Variants in EQTN observed in about 807,000 individuals in gnomAD.
EQTN encodes the protein Acrosome formation associated factor.
In EQTN, 29 loss-of-function variants were observed where a neutral mutation model predicts 26.9. The observed-to-expected ratio is 1.08, with a 90% CI of 0.80 to 1.47. The LOEUF (loss-of-function observed/expected upper bound fraction) is 1.47. Among genes scored for constraint, EQTN ranks in the 40% most tolerant of loss-of-function variants. The pLI, the probability that EQTN is intolerant of heterozygous loss-of-function variation, is 0.00. For missense variants in EQTN, 391 were observed against 346.1 expected, an observed-to-expected ratio of 1.13 and a Z score of -1.03; for synonymous variants, 129 against 120.0, an observed-to-expected ratio of 1.07 and a Z score of -0.49.
chr9:27,294,351 C>G lies in EQTN; in HGVS notation c.254G>C (p.Arg85Thr), dbSNP rs765816267. 5 of 1,611,340 alleles carry G rather than the reference C, an allele frequency of 3.1e-6. No individual in the cohort carries two copies. The highest frequency in any genetic ancestry group is 3.3e-5 in the Admixed American group (2 of 59,974). The change falls in exon 3 of 8, where the codon AGA becomes ACA. Residue 85 changes from arginine (R) to threonine (T), a missense_variant. Arg to Thr is a moderately conservative substitution (Grantham distance 71). Transcript: ENST00000380032. ...AGCAAAATTCAGGTCAGTTGTGGCTCTCACAGATATTTCAGACTCAGTGCC... is the reference window on the plus strand; with the variant it reads ...AGCAAAATTCAGGTCAGTTGTGGCTGTCACAGATATTTCAGACTCAGTGCC... ...PNGTESEISV[R>T]ATTDLNFALK...
intron 3 of EQTN, among the ~76,000 whole-genome samples, chr9:27,292,720 T>C (rs1360191907): frequency 1.3e-5 from 2 of 152,094 alleles, no homozygotes; most frequent in Non-Finnish European, 2.9e-5. Context: ...ATGACTATAA[T>C]TTGTGAAAGA....
intron 1 of EQTN, 34 bp from the exon 2 acceptor site, chr9:27,296,772 A>G (rs1430837113): frequency 8.8e-6 from 14 of 1,587,220 alleles, no homozygotes; most frequent in Non-Finnish European, 1.2e-5. Flanking sequence ...TAGATCAGAA[A>G]TATGTTGATT....
chr9:27,287,112 G>A (rs1820139722), intron 6 of EQTN, among the ~76,000 whole-genome samples: 2 of 151,946 alleles, frequency 1.3e-5, no homozygotes, highest in African/African-American at 2.4e-5. Flanking sequence ...TTTAATGATG[G>A]CAACATGTTA....
Position 27,296,237 on chromosome 9 carries a change from A to G in EQTN, c.202+376T>C, listed in dbSNP as rs558949321. On this transcript the variant is annotated intron_variant, in intron 2 of 7. Transcript: ENST00000380032. Reference sequence around the variant, plus strand: ...AGGACTGCTTGAACCCTGGGAGGTCAAGGCTGGCTGCAGTGAGCCATGGTC... The same window carrying G: ...AGGACTGCTTGAACCCTGGGAGGTCGAGGCTGGCTGCAGTGAGCCATGGTC... 3.6e-4 allele frequency among the ~76,000 whole-genome samples: 54 copies of G among 152,070 alleles called. No homozygotes were observed. In the South Asian group the frequency reaches 0.011, roughly 30 times the overall value.
Position 27,297,037 on chromosome 9 carries a change from TAAAC to T in EQTN, c.15_18del (p.Ile7LeufsTer8). 3 of 1,607,412 alleles carry T rather than the reference TAAAC, an allele frequency of 1.9e-6. 1 individual carries two copies. In the South Asian group the frequency reaches 3.3e-5, roughly 18 times the overall value. ...AAGGAAAAAACTCCAGGTATAAAAA[TAAAC>T]AATATAAAATTCATTGGGAAATTGA... On this transcript the variant is annotated frameshift_variant, in exon 1 of 8. Coordinates refer to ENST00000380032, the MANE Select transcript of EQTN (RefSeq NM_020641.3). LOFTEE classifies it high-confidence loss of function.
intron 5 of EQTN, among the ~76,000 whole-genome samples, chr9:27,290,653 T>C (rs1356577987): frequency 1.3e-5 from 2 of 152,266 alleles, no homozygotes; most frequent in African/African-American, 4.8e-5. Flanking sequence ...GACACACTTT[T>C]ATGCATGCAT....
At chr9:27,294,252 A>G (rs1283053188) in intron 3 of EQTN, 64 bp downstream of exon 3, 3 of 1,135,658 alleles carry the variant, frequency 2.6e-6, no homozygotes, top group East Asian at 4.8e-5. Flanking sequence ...ACAGTCTCTT[A>G]TTGCTGTTTT....
chr9:27,292,536 C>G, intron 3 of EQTN, 49 bp from the exon 4 acceptor site: 1 of 1,079,292 alleles, frequency 9.3e-7, no homozygotes. Context: ...ACTGACGAAA[C>G]ATCTGAGAAT....
chr9:27,294,097 G>A (rs1820288496), intron 3 of EQTN, among the ~76,000 whole-genome samples: 1 of 152,238 alleles, frequency 6.6e-6, no homozygotes, highest in African/African-American at 2.4e-5. Flanking sequence ...TGTAATGGAT[G>A]TGGAGTCTCA....
Position 27,296,647 on chromosome 9 carries a change from C to T in EQTN, c.168G>A (p.Glu56=). Residue 56 remains glutamate (E), a synonymous_variant, in exon 2 of 8, where the codon GAG becomes GAA. Transcript: ENST00000380032. ...TATCTTTATAATAATTGCCATTTTT[C>T]TCATTAGCAGGAGCATAATTGGGAG... ...DHTPNYAPAN[E]KNGNYYKDIK... 2 of 1,574,892 alleles carry T rather than the reference C, an allele frequency of 1.3e-6. No individual in the cohort carries two copies. The highest frequency in any genetic ancestry group is 1.7e-6 in the Non-Finnish European group (2 of 1,149,092).
chr9:27,296,137 C>CA (rs968784146), intron 2 of EQTN, among the ~76,000 whole-genome samples: 26 of 151,556 alleles, frequency 1.7e-4, no homozygotes, highest in East Asian at 3.9e-4. Context: ...ACCGTTTCTA[C>CA]AAAAAAAATA....
chr9:27,288,863 A>G (rs1379615349), intron 6 of EQTN, among the ~76,000 whole-genome samples: 1 of 152,186 alleles, frequency 6.6e-6, no homozygotes, highest in African/African-American at 2.4e-5. Flanking sequence ...GGAGAGAGGA[A>G]CAAAGGGATG....
At chr9:27,287,271 C>T (rs909713524) in intron 6 of EQTN, among the ~76,000 whole-genome samples, 23 of 152,174 alleles carry the variant, frequency 1.5e-4, no homozygotes, top group African/African-American at 5.6e-4. Context: ...TTATAATTGT[C>T]AGTGTGTGAC....
In EQTN at chr9:27,289,698, T is replaced by C. The variant is rs774027210; in HGVS notation, c.455A>G (p.Lys152Arg). ...TGGAATTGGGTGAAATAATTGATCT[T>C]TATCATCCATGACCACTGCTGTTCC... ...INGTAVVMDD[K>R]DQLFHPIPES... Residue 152 changes from lysine to arginine, a missense_variant, in exon 6 of 8, where the codon AAA (lysine) becomes AGA (arginine). Lys to Arg is a conservative substitution (Grantham distance 26, BLOSUM62 2). Coordinates refer to ENST00000380032, the MANE Select transcript of EQTN (RefSeq NM_020641.3). 4 of 1,608,202 alleles carry C rather than the reference T, an allele frequency of 2.5e-6. No individual in the cohort carries two copies. The highest frequency in any genetic ancestry group is 2.7e-5 in the African/African-American group (2 of 74,850).
chr9:27,294,868 C>T (rs1479011077), intron 2 of EQTN, among the ~76,000 whole-genome samples: 1 of 152,128 alleles, frequency 6.6e-6, no homozygotes, highest in Non-Finnish European at 1.5e-5. Context: ...TTTACACATG[C>T]ACATAAAGAA....
rs1306073010 is a variant in EQTN at position 27,291,003 on chromosome 9, A to G, written c.421+16T>C. On this transcript the variant is annotated intron_variant, in intron 5 of 7. Coordinates refer to ENST00000380032, the MANE Select transcript of EQTN (RefSeq NM_020641.3). ...AACCAAAATGTTTCCCAAGCTACCTAGCTGTATGACTTTACCTTTAGCTAA... is the reference window on the plus strand; with the variant it reads ...AACCAAAATGTTTCCCAAGCTACCTGGCTGTATGACTTTACCTTTAGCTAA... 2 of 1,610,364 alleles carry G rather than the reference A, an allele frequency of 1.2e-6. No individual in the cohort carries two copies. The highest frequency in any genetic ancestry group is 1.7e-5 in the Admixed American group (1 of 58,920).
chr9:27,292,316 G>A, intron 4 of EQTN, 85 bp downstream of exon 4: 1 of 776,802 alleles, frequency 1.3e-6, no homozygotes, highest in South Asian at 2.0e-5. Context: ...ATGGCTTTAT[G>A]TAATGCTCAG....
chr9:27,295,697 TGGC>T (rs1272002268), intron 2 of EQTN, among the ~76,000 whole-genome samples: 1 of 151,820 alleles, frequency 6.6e-6, no homozygotes, highest in Admixed American at 6.6e-5. Flanking sequence ...CCGGGCGTGG[TGGC>T]GGGCGCCTGT....
intron 6 of EQTN, among the ~76,000 whole-genome samples, chr9:27,289,376 T>G (rs74942189): frequency 6.6e-6 from 1 of 152,102 alleles, no homozygotes; most frequent in Admixed American, 6.5e-5. Flanking sequence ...CTAGGAAAAA[T>G]ATTATCATCA....
Sources: allele counts gnomAD v4.1 joint callset (sites outside exome capture counted in the v4.1 genomes callset), GRCh38; gene constraint gnomAD v4.1.1; transcripts MANE v1.5; gene names NCBI Gene and HGNC (gene_info 2026-07-23, HGNC 2026-07-21).